Variants in RFC5 observed in about 807,000 individuals in gnomAD.
The protein encoded by RFC5 is A1 36 kDa subunit.
RFC5 carries 26 observed loss-of-function variants against 44.3 expected under a neutral mutation model. The ratio of observed to expected loss-of-function variants is 0.59; its 90% CI spans 0.43 to 0.81. The LOEUF is 0.81. RFC5 is among the 40% of genes least tolerant of loss of function. RFC5 has a pLI of 0.00. For missense variants in RFC5, 328 were observed against 418.6 expected, an observed-to-expected ratio of 0.78 and a Z score of 1.89; for synonymous variants, 155 against 155.2, an observed-to-expected ratio of 1.00 and a Z score of 0.01.
rs751966118 is a variant in RFC5 at position 118,024,947 on chromosome 12, G to C, written c.518G>C (p.Arg173Pro). ...TTGCAGTCCCGCTGCACGAGGTTTC[G>C]GTTCGGTCCCCTGACTCCTGAACTC... Reference protein sequence around the residue: ...PALQSRCTRFRFGPLTPELMV... With the variant: ...PALQSRCTRFPFGPLTPELMV... Residue 173 changes from arginine to proline, a missense_variant, in exon 6 of 11, where the codon CGG (arginine) becomes CCG (proline). Transcript: ENST00000454402. 1.9e-6 allele frequency: 3 copies of C among 1,614,048 alleles called. No individual in the cohort carries two copies. Among genetic ancestry groups the C allele is most frequent in the East Asian group, 4.5e-5 (2 of 44,878 alleles).
At chr12:118,025,506 GA>G in intron 6 of RFC5, 1 of 462,336 alleles carries the variant, frequency 2.2e-6, no homozygotes. Flanking sequence ...CTCCATGGGA[GA>G]ATGCTTGTTC....
At chr12:118,026,824 C>T in intron 7 of RFC5, 65 bp from the exon 8 acceptor site, 1 of 1,567,208 alleles carries the variant, frequency 6.4e-7, no homozygotes, top group Non-Finnish European at 8.7e-7. Context: ...CTTCTTGGCT[C>T]CCTGCAGCTT....
downstream of RFC5, chr12:118,034,771 T>C (rs2031467476): frequency 1.8e-6 from 1 of 570,136 alleles, no homozygotes; most frequent in African/African-American, 1.9e-5. Flanking sequence ...TTAGGTGGCA[T>C]GACTTACAGA....
At chr12:118,025,704 C>T (rs368835750) in intron 6 of RFC5, 43 bp from the exon 7 acceptor site, 9 of 1,116,650 alleles carry the variant, frequency 8.1e-6, no homozygotes, top group Non-Finnish European at 1.2e-5. Context: ...AATGCTGGTG[C>T]TCTCAGGGGG....
the RFC5 span, chr12:118,038,373 A>C: frequency 6.2e-7 from 1 of 1,614,094 alleles, no homozygotes; most frequent in Non-Finnish European, 8.5e-7. Context: ...GCCCGATAAC[A>C]CTTGAATCTG....
chr12:118,039,309 C>T, the RFC5 span, among the ~76,000 whole-genome samples: 1 of 152,108 alleles, frequency 6.6e-6, no homozygotes, highest in Non-Finnish European at 1.5e-5. Flanking sequence ...TAAAAAAGCC[C>T]GTCCATATAG....
At chr12:118,037,091 AG>A (rs755721286), downstream of RFC5, among the ~76,000 whole-genome samples, 10 of 152,112 alleles carry the variant, frequency 6.6e-5, no homozygotes, top group Non-Finnish European at 1.0e-4. Context: ...TTGAGGCAGA[AG>A]AATCACTTGA....
rs768121836 is a variant in RFC5, at chr12:118,019,593, C to T, written c.131-39C>T. 16 of 1,613,042 alleles carry T rather than the reference C, an allele frequency of 9.9e-6. No homozygotes were observed. Among genetic ancestry groups the T allele is most frequent in the Non-Finnish European group, 1.4e-5 (16 of 1,179,406 alleles). Reference sequence around the variant, plus strand: ...AGCCCAGGGTGAATGAGGCAGCTCCCAAAGACTGATGGTGCCCTTCTTCCT... The same window carrying T: ...AGCCCAGGGTGAATGAGGCAGCTCCTAAAGACTGATGGTGCCCTTCTTCCT... On this transcript the variant is annotated intron_variant, in intron 2 of 10. Transcript: ENST00000454402. This position sits in a 1 kb window ranked among gnomAD's most constrained non-coding sequence, Gnocchi z 4.2.
intron 3 of RFC5, 132 bp from the exon 4 acceptor site, chr12:118,020,774 A>G (rs866174053): frequency 9.3e-6 from 5 of 536,658 alleles, no homozygotes; most frequent in Non-Finnish European, 1.7e-5. Flanking sequence ...TTTTATGATG[A>G]TCTCTTAGCC....
At chr12:118,028,386 G>A (rs1159440520) in intron 9 of RFC5, among the ~76,000 whole-genome samples, 1 of 151,954 alleles carries the variant, frequency 6.6e-6, no homozygotes, top group East Asian at 1.9e-4. Flanking sequence ...GTGGGAGGCT[G>A]AGGTGGGAGA....
Position 118,022,352 on chromosome 12 carries a change from G to T in RFC5, c.414G>T (p.Leu138Phe). Residue 138 changes from leucine (L) to phenylalanine (F), a missense_variant, in exon 5 of 11, where the codon TTG becomes TTT. Leu to Phe is a conservative substitution (Grantham distance 22). Coordinates refer to ENST00000454402, the MANE Select transcript of RFC5 (RefSeq NM_007370.7). ...TGACTCAGGACGCCCAGAATGCCTTGAGAAGAGGTAAGCAGAGGCACTGTG... is the reference window on the plus strand; with the variant it reads ...TGACTCAGGACGCCCAGAATGCCTTTAGAAGAGGTAAGCAGAGGCACTGTG... ...DAMTQDAQNA[L>F]RRVIEKFTEN... 6.2e-7 allele frequency: 1 copy of T among 1,611,986 alleles called. No individual in the cohort carries two copies. Among genetic ancestry groups the T allele is most frequent in the Non-Finnish European group, 8.5e-7 (1 of 1,178,022 alleles).
chr12:118,023,705 C>T (rs1566124336), intron 5 of RFC5, among the ~76,000 whole-genome samples: 2 of 152,066 alleles, frequency 1.3e-5, no homozygotes, highest in Admixed American at 1.3e-4. Flanking sequence ...TGCTCTAAGG[C>T]CTCCAGACAG....
chr12:118,036,324 G>A (rs2031508940), downstream of RFC5: 1 of 1,608,830 alleles, frequency 6.2e-7, no homozygotes, highest in Non-Finnish European at 8.5e-7. Context: ...TCATAGCAGG[G>A]ATTCAGTCCT....
At chr12:118,020,249 A>G (rs571315787) in intron 3 of RFC5, among the ~76,000 whole-genome samples, 2 of 152,280 alleles carry the variant, frequency 1.3e-5, no homozygotes, top group South Asian at 4.1e-4. Flanking sequence ...AGCATGGCCC[A>G]CCTGTAGGGT....
chr12:118,017,096 G>C (rs1334106246), intron 1 of RFC5, among the ~76,000 whole-genome samples: 2 of 152,086 alleles, frequency 1.3e-5, no homozygotes, highest in African/African-American at 4.8e-5. Context: ...GCTTTTGCCA[G>C]TTCTCACCCT....
intron 7 of RFC5, among the ~76,000 whole-genome samples, chr12:118,026,679 G>A (rs5745868): frequency 0.011 from 1,738 of 152,336 alleles, 31 homozygotes; most frequent in African/African-American, 0.039. Flanking sequence ...GGGAGGGAAG[G>A]ATTTGGCACT....
the RFC5 span, among the ~76,000 whole-genome samples, chr12:118,040,284 C>G: frequency 6.6e-6 from 1 of 152,084 alleles, no homozygotes; most frequent in African/African-American, 2.4e-5. Context: ...CAGCTGGGAA[C>G]CAACTTTATT....
downstream of RFC5, chr12:118,034,382 C>G: frequency 6.2e-7 from 1 of 1,610,578 alleles, no homozygotes; most frequent in Non-Finnish European, 8.5e-7. Context: ...GAAACCGATG[C>G]TAAGACAGAG....
chr12:118,017,526 C>G (rs918667614), intron 1 of RFC5, among the ~76,000 whole-genome samples: 4 of 152,186 alleles, frequency 2.6e-5, no homozygotes, highest in African/African-American at 9.7e-5. Context: ...CAGCTATGTT[C>G]TCGCAATGCT....
Sources: allele counts gnomAD v4.1 joint callset (sites outside exome capture counted in the v4.1 genomes callset), GRCh38; gene constraint gnomAD v4.1.1; non-coding constraint Gnocchi (gnomAD v3.1); transcripts MANE v1.5; gene names NCBI Gene and HGNC (gene_info 2026-07-23, HGNC 2026-07-21).